GRM8: variants seen among roughly 807,000 people sequenced by gnomAD.
GRM8 encodes glutamate metabotropic receptor 8.
A neutral mutation model predicts 87.2 loss-of-function variants in GRM8; 47 were observed. That is an observed-to-expected ratio of 0.54 (90% confidence interval 0.43 to 0.69). The LOEUF is 0.69. Ranked by LOEUF, GRM8 falls within the 30% of genes least tolerant of loss-of-function variation. GRM8 has a pLI of 0.00. For synonymous variants in GRM8, 396 were observed against 404.5 expected (o/e 0.98, Z 0.25); for missense variants, 1,019 against 1,139.2 (o/e 0.89, Z 1.52).
At chr7:126,616,725 C>A (rs1799534386) in intron 7 of GRM8, among the ~76,000 whole-genome samples, 1 of 152,104 alleles carries the variant, frequency 6.6e-6, no homozygotes, top group South Asian at 2.1e-4. Context: ...ATACAAACTA[C>A]CATCAGAGAA....
chr7:127,245,129 G>A (rs1252579007), intron 1 of GRM8, among the ~76,000 whole-genome samples: 1 of 152,192 alleles, frequency 6.6e-6, no homozygotes, highest in East Asian at 1.9e-4. Flanking sequence ...CACTCAGAAA[G>A]TCAACCTGAT....
chr7:126,778,962 G>T (rs1037185208), intron 6 of GRM8, among the ~76,000 whole-genome samples: 1 of 151,932 alleles, frequency 6.6e-6, no homozygotes, highest in Non-Finnish European at 1.5e-5. Context: ...TTTGTATATT[G>T]GTGTGGCGTC....
intron 2 of GRM8, among the ~76,000 whole-genome samples, chr7:127,154,244 T>C (rs560553167): frequency 2.0e-5 from 3 of 152,190 alleles, no homozygotes; most frequent in African/African-American, 4.8e-5. Flanking sequence ...CACGCCTAGC[T>C]CTCTTGCTCA....
At chr7:126,489,376 AT>A (rs1807740568) in intron 9 of GRM8, among the ~76,000 whole-genome samples, 1 of 152,092 alleles carries the variant, frequency 6.6e-6, no homozygotes, top group Non-Finnish European at 1.5e-5. Context: ...AAGACACACA[AT>A]GGAGACATCT....
chr7:126,443,426 A>G (rs571209733), intron 10 of GRM8, among the ~76,000 whole-genome samples: 10 of 151,982 alleles, frequency 6.6e-5, no homozygotes, highest in African/African-American at 2.4e-4. Context: ...CTACCCTTTC[A>G]TTGTAGGATG....
intron 2 of GRM8, among the ~76,000 whole-genome samples, chr7:127,141,975 CTGTTTT>C (rs886194886): frequency 1.2e-4 from 18 of 151,900 alleles, no homozygotes; most frequent in African/African-American, 4.4e-4. Context: ...GTTGACTTGT[CTGTTTT>C]TGTTTTTGTT....
chr7:127,102,744 G>C (rs1161696720), intron 3 of GRM8, among the ~76,000 whole-genome samples: 3 of 152,222 alleles, frequency 2.0e-5, no homozygotes, highest in African/African-American at 7.2e-5. Context: ...TGATGGGGCA[G>C]AGCCATCACA....
At chr7:127,087,854 T>C (rs1464536346) in intron 3 of GRM8, among the ~76,000 whole-genome samples, 1 of 152,182 alleles carries the variant, frequency 6.6e-6, no homozygotes, top group African/African-American at 2.4e-5. Flanking sequence ...CTATCACATA[T>C]ACCAGTTACA....
chr7:127,122,015 GA>G (rs1193497647), intron 2 of GRM8, among the ~76,000 whole-genome samples: 7 of 152,018 alleles, frequency 4.6e-5, no homozygotes, highest in South Asian at 2.1e-4. Flanking sequence ...TGATATCAAA[GA>G]AAAAAAGTTC....
chr7:126,947,281 A>G (rs1028020933), intron 3 of GRM8, among the ~76,000 whole-genome samples: 1 of 152,228 alleles, frequency 6.6e-6, no homozygotes, highest in Non-Finnish European at 1.5e-5. Flanking sequence ...GTCATTAAGT[A>G]TTCTCCGTAC....
intron 3 of GRM8, among the ~76,000 whole-genome samples, chr7:127,103,190 T>C (rs1487056020): frequency 6.6e-6 from 1 of 152,200 alleles, no homozygotes; most frequent in East Asian, 1.9e-4. Flanking sequence ...GGGGAGACTA[T>C]TGCAATGGAA....
chr7:126,677,891 C>G (rs774175123), intron 7 of GRM8, among the ~76,000 whole-genome samples: 10 of 152,174 alleles, frequency 6.6e-5, no homozygotes, highest in African/African-American at 2.4e-4. Flanking sequence ...CTCCCACAGT[C>G]GTGTAAGGTC....
At chr7:126,466,913 C>CA (rs1477477827) in intron 9 of GRM8, among the ~76,000 whole-genome samples, 1 of 151,938 alleles carries the variant, frequency 6.6e-6, no homozygotes, top group Non-Finnish European at 1.5e-5. Context: ...TAAGTTGACA[C>CA]AAAAAACTTA....
chr7:126,578,750 A>C (rs1795330018), intron 8 of GRM8, among the ~76,000 whole-genome samples: 1 of 152,122 alleles, frequency 6.6e-6, no homozygotes, highest in Non-Finnish European at 1.5e-5. Flanking sequence ...AATAAAAATC[A>C]CCATTTTTAA....
rs521 is a variant in GRM8 at position 126,532,764 on chromosome 7, G to GATATAT, written c.2430+182_2430+187dup. On this transcript the variant is annotated intron_variant, in intron 9 of 10. Transcript: ENST00000339582. ...AAGCAATGTGACCTTGACGGATGGA[G>GATATAT]ATATATATATATATATATATATATA... is the stretch of plus-strand genomic sequence containing the variant. Among the ~76,000 whole-genome samples, 619 of 110,688 alleles carry GATATAT rather than the reference G, an allele frequency of 5.6e-3. 13 individuals carry two copies. The highest frequency in any genetic ancestry group is 0.014 in the Middle Eastern group (3 of 222). The allele number at this position is 110,688 out of a possible 152,430, so 72.6% of individuals were successfully genotyped here. A position where few individuals can be genotyped will look rare whatever the true frequency, so the allele number is the denominator to read the frequency against.
intron 9 of GRM8, among the ~76,000 whole-genome samples, chr7:126,477,597 A>AAG (rs1374245716): frequency 9.6e-5 from 6 of 62,298 alleles, no homozygotes; most frequent in African/African-American, 2.3e-4. Flanking sequence ...GAAAGAAAGA[A>AAG]AGAAAGAAAG....
intron 7 of GRM8, among the ~76,000 whole-genome samples, chr7:126,703,632 T>G (rs909978506): frequency 2.6e-5 from 4 of 152,160 alleles, no homozygotes; most frequent in African/African-American, 9.7e-5. Context: ...TGATCACAGC[T>G]CACTGCAGCC....
chr7:126,872,177 G>A (rs1469142231), intron 6 of GRM8, among the ~76,000 whole-genome samples: 1 of 152,114 alleles, frequency 6.6e-6, no homozygotes, highest in Admixed American at 6.5e-5. Context: ...CTGTTCTCAG[G>A]AGAACTTCAA....
At chr7:126,822,675 A>T (rs541658568) in intron 6 of GRM8, among the ~76,000 whole-genome samples, 7 of 151,850 alleles carry the variant, frequency 4.6e-5, no homozygotes, top group African/African-American at 1.7e-4. Context: ...GGCTCAAGTG[A>T]TCTTCCTGCC....
Sources: allele counts gnomAD v4.1 joint callset (sites outside exome capture counted in the v4.1 genomes callset), GRCh38; gene constraint gnomAD v4.1.1; transcripts MANE v1.5; gene names NCBI Gene and HGNC (gene_info 2026-07-23, HGNC 2026-07-21).